The following AOAH variants were observed in gnomAD, a reference collection of about 807,000 sequenced individuals.
AOAH encodes acyloxyacyl hydrolase.
In AOAH, 64 loss-of-function variants were observed where a neutral mutation model predicts 92.2. The ratio of observed to expected loss-of-function variants is 0.69; its 90% CI spans 0.57 to 0.86. The LOEUF (loss-of-function observed/expected upper bound fraction) is 0.86. Ranked by LOEUF, AOAH falls within the 40% of genes least tolerant of loss-of-function variation. The pLI, the probability that AOAH is intolerant of heterozygous loss-of-function variation, is 0.00. For missense variants in AOAH, 656 were observed against 694.6 expected (o/e 0.94, Z 0.62); for synonymous variants, 263 against 254.5 (o/e 1.03, Z -0.32).
intron 2 of AOAH, among the ~76,000 whole-genome samples, chr7:36,676,043 T>C (rs1474355072): frequency 6.6e-6 from 1 of 152,142 alleles, no homozygotes; most frequent in African/African-American, 2.4e-5. Context: ...TTAAATACTG[T>C]CCCCTCACTA....
At chr7:36,657,685 T>C (rs1044420208) in intron 4 of AOAH, among the ~76,000 whole-genome samples, 4 of 151,972 alleles carry the variant, frequency 2.6e-5, no homozygotes, top group Admixed American at 1.3e-4. Context: ...CTAGCTGGGG[T>C]AGAAGGTGGC....
At chr7:36,584,868 A>G (rs933458451) in intron 12 of AOAH, among the ~76,000 whole-genome samples, 1 of 152,178 alleles carries the variant, frequency 6.6e-6, no homozygotes, top group Admixed American at 6.5e-5. Context: ...AGCACTCTAC[A>G]TGGGCAAACT....
intron 5 of AOAH, among the ~76,000 whole-genome samples, chr7:36,634,412 C>T (rs1156396702): frequency 3.9e-5 from 6 of 152,090 alleles, no homozygotes; most frequent in Admixed American, 2.0e-4. Context: ...ATCTAATTAC[C>T]GGTGCATGCA....
Position 36,589,772 on chromosome 7 carries a change from A to G in AOAH, c.938+4567T>C, listed in dbSNP as rs150391971. On this transcript the variant is annotated intron_variant, in intron 12 of 20. Coordinates refer to ENST00000617537, the MANE Select transcript of AOAH (RefSeq NM_001637.4). ...TCTGGGATTTTAAATGATGCTTTCA[A>G]ATGAGAAGTCCTTCCTTCTTGTAAA... is the stretch of plus-strand genomic sequence containing the variant. Among the ~76,000 whole-genome samples the G allele has an allele frequency of 6.6e-3, 1,005 of 152,280 alleles. 13 individuals are homozygous for G. Among genetic ancestry groups the G allele is most frequent in the African/African-American group, 0.023 (964 of 41,534 alleles).
At chr7:36,604,341 C>T (rs564422040) in intron 11 of AOAH, among the ~76,000 whole-genome samples, 1 of 152,162 alleles carries the variant, frequency 6.6e-6, no homozygotes, top group African/African-American at 2.4e-5. Flanking sequence ...TTATCGTGAG[C>T]TTATTTGTTT....
chr7:36,630,644 G>A (rs1394206658), intron 6 of AOAH, among the ~76,000 whole-genome samples: 1 of 152,088 alleles, frequency 6.6e-6, no homozygotes, highest in Non-Finnish European at 1.5e-5. Context: ...AAGGAATCTG[G>A]ATTTTAAAAC....
chr7:36,558,426 G>A (rs903640123), intron 13 of AOAH, among the ~76,000 whole-genome samples: 130 of 152,346 alleles, frequency 8.5e-4, no homozygotes, highest in African/African-American at 3.0e-3. Context: ...AGGCTGCTCG[G>A]GGGTCAGGGG....
In AOAH at chr7:36,676,944, G is replaced by A. The variant is rs115814660; in HGVS notation, c.224-2935C>T. Among the ~76,000 whole-genome samples the A allele has an allele frequency of 4.4e-3, 674 of 152,096 alleles. 6 individuals carry two copies. Among genetic ancestry groups the A allele is most frequent in the African/African-American group, 0.016 (649 of 41,494 alleles). The stretch of plus-strand genomic sequence containing the variant: ...AAAAATTAACCCAAAACGGGTCAAA[G>A]ACCTAAATGTAAGAGTGAAAACCGT... On this transcript the variant is annotated intron_variant, in intron 2 of 20. Transcript: ENST00000617537.
At position 36,516,312 on chromosome 7, in the gene AOAH, C is replaced by T. The variant is rs182742214; in HGVS notation, c.1600-2932G>A. ...CACACACCCCCCCACACAGATACCA[C>T]ACACACACACACAGAAAGCACACAG... On this transcript the variant is annotated intron_variant, in intron 20 of 20. Transcript: ENST00000617537. The surrounding 1 kb of genome is among the most constrained non-coding windows in gnomAD (Gnocchi z 5.0). 5.3e-4 allele frequency among the ~76,000 whole-genome samples: 75 copies of T among 141,164 alleles called. No homozygotes were observed. The highest frequency in any genetic ancestry group is 1.9e-3 in the African/African-American group (71 of 38,018). 92.6% of individuals were successfully genotyped at this position (141,164 alleles called of 152,430 possible). A position where few individuals can be genotyped will look rare whatever the true frequency, so the allele number is the denominator to read the frequency against.
chr7:36,606,862 C>T (rs572711382), intron 11 of AOAH, among the ~76,000 whole-genome samples: 3 of 152,212 alleles, frequency 2.0e-5, no homozygotes, highest in South Asian at 2.1e-4. Flanking sequence ...GTGAGAAGGT[C>T]GATTTGAACC....
intron 18 of AOAH, chr7:36,530,759 C>A (rs144371731): frequency 2.5e-6 from 1 of 399,700 alleles, no homozygotes; most frequent in African/African-American, 2.0e-5. Context: ...AGTTTTAACA[C>A]CCTTGGGACT....
At chr7:36,615,479 C>G (rs147766474) in intron 11 of AOAH, among the ~76,000 whole-genome samples, 1 of 152,288 alleles carries the variant, frequency 6.6e-6, no homozygotes, top group Non-Finnish European at 1.5e-5. Context: ...GGTTTTGTTA[C>G]ATTTCCTCAC....
chr7:36,608,806 T>A (rs540080200), intron 11 of AOAH, among the ~76,000 whole-genome samples: 1 of 151,634 alleles, frequency 6.6e-6, no homozygotes, highest in South Asian at 2.1e-4. Context: ...CCTGTTGTCA[T>A]GGCATAATTA....
chr7:36,568,430 G>A (rs1787867442), intron 13 of AOAH, among the ~76,000 whole-genome samples: 1 of 152,164 alleles, frequency 6.6e-6, no homozygotes, highest in Admixed American at 6.5e-5. Context: ...CCTCTCAACA[G>A]CCAGGGCCTG....
At chr7:36,580,461 T>G (rs1788852447) in intron 12 of AOAH, among the ~76,000 whole-genome samples, 1 of 152,228 alleles carries the variant, frequency 6.6e-6, no homozygotes, top group African/African-American at 2.4e-5. Context: ...AGCACTTGTC[T>G]GCTATAGAAT....
rs145561843 is a variant in AOAH at position 36,518,270 on chromosome 7, C to T, written c.1599+3769G>A. 1.8e-3 allele frequency among the ~76,000 whole-genome samples: 272 copies of T among 152,102 alleles called. 1 individual carries two copies. The highest frequency in any genetic ancestry group is 4.6e-3 in the African/African-American group (192 of 41,472). On this transcript the variant is annotated intron_variant, in intron 20 of 20. Transcript: ENST00000617537. ...TGTTGCCCAAGCTGGAATGCAGTGA[C>T]GCAATCTTGGCTCACTGCAACCTCT...
intron 1 of AOAH, among the ~76,000 whole-genome samples, chr7:36,719,150 T>C (rs1383475634): frequency 6.6e-6 from 1 of 152,244 alleles, no homozygotes; most frequent in Non-Finnish European, 1.5e-5. Flanking sequence ...ATAAGGTCAT[T>C]GTAATGATTA....
At chr7:36,638,644 T>C (rs1258697798) in intron 4 of AOAH, among the ~76,000 whole-genome samples, 1 of 152,120 alleles carries the variant, frequency 6.6e-6, no homozygotes, top group Non-Finnish European at 1.5e-5. Flanking sequence ...CATCACTACT[T>C]CCCAGAGCTT....
intron 1 of AOAH, among the ~76,000 whole-genome samples, chr7:36,701,532 T>C (rs1261851822): frequency 6.6e-6 from 1 of 151,214 alleles, no homozygotes; most frequent in Non-Finnish European, 1.5e-5. Flanking sequence ...AATAGCCCCT[T>C]TTTCATTATG....
Sources: allele counts gnomAD v4.1 joint callset (sites outside exome capture counted in the v4.1 genomes callset), GRCh38; gene constraint gnomAD v4.1.1; non-coding constraint Gnocchi (gnomAD v3.1); transcripts MANE v1.5; gene names NCBI Gene and HGNC (gene_info 2026-07-23, HGNC 2026-07-21).